The following BFSP2 variants were observed in gnomAD, a reference collection of about 807,000 sequenced individuals.
The protein encoded by BFSP2 is phakinin.
A neutral mutation model predicts 44.9 loss-of-function variants in BFSP2; 38 were observed. That is an observed-to-expected ratio of 0.85 (90% CI 0.65 to 1.11). The LOEUF is 1.11. BFSP2 is among the 50% of genes least tolerant of loss of function. The probability of loss-of-function intolerance (pLI) is 0.00; values close to 1 mark genes in which losing one functional copy is unlikely to be tolerated. For synonymous variants in BFSP2, 197 were observed against 209.9 expected, an observed-to-expected ratio of 0.94 and a Z score of 0.53; for missense variants, 525 against 533.0, an observed-to-expected ratio of 0.99 and a Z score of 0.15.
chr3:133,467,911 C>T (rs1259662164), intron 5 of BFSP2, among the ~76,000 whole-genome samples: 1 of 152,104 alleles, frequency 6.6e-6, no homozygotes, highest in African/African-American at 2.4e-5. Context: ...GGAGGAAAAT[C>T]AAGAGTAATA....
rs113050146 is a variant in BFSP2 at position 133,460,637 on chromosome 3, G to A, written c.892-6191G>A. Among the ~76,000 whole-genome samples the A allele has an allele frequency of 2.3e-3, 348 of 152,306 alleles. 2 individuals carry two copies. The highest frequency in any genetic ancestry group is 8.0e-3 in the African/African-American group (333 of 41,570). On this transcript the variant is annotated intron_variant, in intron 4 of 6. Transcript: ENST00000302334. ...GGCCTTTGTCCCCGGGGGGCTAAAA[G>A]TTATGCCAGACTTCTGTTGGGAGCT...
intron 4 of BFSP2, among the ~76,000 whole-genome samples, chr3:133,458,588 G>C (rs1482938311): frequency 2.0e-5 from 3 of 152,114 alleles, no homozygotes; most frequent in African/African-American, 7.2e-5. Context: ...CCAGCTACTG[G>C]GGAAGCTGAG....
intron 1 of BFSP2, among the ~76,000 whole-genome samples, chr3:133,433,492 A>G (rs2073748754): frequency 6.6e-6 from 1 of 151,982 alleles, no homozygotes; most frequent in South Asian, 2.1e-4. Flanking sequence ...ATTTGCCCCC[A>G]CCCAGGACTG....
intron 1 of BFSP2, among the ~76,000 whole-genome samples, chr3:133,432,913 T>C (rs1386344766): frequency 1.3e-5 from 2 of 152,240 alleles, no homozygotes; most frequent in East Asian, 3.8e-4. Context: ...TGTTTTAGCC[T>C]AGCCCTCATG....
At chr3:133,458,152 G>A (rs1044512157) in intron 4 of BFSP2, among the ~76,000 whole-genome samples, 1 of 152,134 alleles carries the variant, frequency 6.6e-6, no homozygotes, top group Non-Finnish European at 1.5e-5. Flanking sequence ...CCAATACTTT[G>A]TGATCTTTGC....
intron 4 of BFSP2, chr3:133,455,396 G>A (rs1011394255): frequency 2.6e-5 from 4 of 152,186 alleles, no homozygotes; most frequent in African/African-American, 4.8e-5. Context: ...TGCAGATGTA[G>A]GCTTGAGGTC....
chr3:133,406,816 A>C (rs2073408590), intron 1 of BFSP2, among the ~76,000 whole-genome samples: 1 of 152,238 alleles, frequency 6.6e-6, no homozygotes, highest in Non-Finnish European at 1.5e-5. Context: ...AGAGGGAAAA[A>C]TTTGGTCTTT....
At chr3:133,405,351 T>C (rs901659472) in intron 1 of BFSP2, among the ~76,000 whole-genome samples, 3 of 152,226 alleles carry the variant, frequency 2.0e-5, no homozygotes, top group Non-Finnish European at 2.9e-5. Context: ...GAGTTTAAAA[T>C]GGACCTGATT....
chr3:133,453,960 T>C (rs1386633317), intron 4 of BFSP2, among the ~76,000 whole-genome samples: 2 of 152,228 alleles, frequency 1.3e-5, no homozygotes, highest in African/African-American at 4.8e-5. Context: ...GGTCCAGTTT[T>C]TGAAGCTTCT....
intron 4 of BFSP2, among the ~76,000 whole-genome samples, chr3:133,453,766 T>C (rs574369445): frequency 6.6e-6 from 1 of 152,286 alleles, no homozygotes; most frequent in East Asian, 1.9e-4. Flanking sequence ...TGCGAAAGCC[T>C]AAGGGATAAA....
At chr3:133,469,422 AC>A (rs1351097167) in intron 5 of BFSP2, among the ~76,000 whole-genome samples, 1 of 152,242 alleles carries the variant, frequency 6.6e-6, no homozygotes, top group Admixed American at 6.5e-5. Flanking sequence ...CCAATAAGGC[AC>A]TATTTGCATT....
At chr3:133,415,476 T>C in intron 1 of BFSP2, among the ~76,000 whole-genome samples, 1 of 99,494 alleles carries the variant, frequency 1.0e-5, no homozygotes, top group Non-Finnish European at 1.9e-5. Context: ...TCCCCTCTAC[T>C]CACCCCTATA....
At chr3:133,462,991 C>G (rs1031451116) in intron 4 of BFSP2, among the ~76,000 whole-genome samples, 1 of 152,098 alleles carries the variant, frequency 6.6e-6, no homozygotes, top group African/African-American at 2.4e-5. Context: ...AGTTTTAGAA[C>G]AGGAGTGAAA....
intron 1 of BFSP2, among the ~76,000 whole-genome samples, chr3:133,431,720 C>T (rs1013268007): frequency 6.6e-6 from 1 of 152,138 alleles, no homozygotes; most frequent in Admixed American, 6.5e-5. Flanking sequence ...CTCCACATTA[C>T]CTTCTTTTCA....
intron 4 of BFSP2, among the ~76,000 whole-genome samples, chr3:133,452,745 C>T (rs566046494): frequency 3.9e-5 from 6 of 152,318 alleles, no homozygotes; most frequent in African/African-American, 1.2e-4. Flanking sequence ...CGTTTCTCCC[C>T]TGGCTCTGCT....
intron 3 of BFSP2, 137 bp from the exon 4 acceptor site, chr3:133,450,166 C>T (rs948304052): frequency 1.0e-6 from 1 of 978,770 alleles, no homozygotes; most frequent in African/African-American, 1.6e-5. Flanking sequence ...GGGACTTTCC[C>T]AGTCTCTGTG....
chr3:133,409,968 C>A, intron 1 of BFSP2: 1 of 167,200 alleles, frequency 6.0e-6, no homozygotes. Context: ...AACCATAAAG[C>A]CCGGACCGTG....
chr3:133,413,164 C>A (rs916715414), intron 1 of BFSP2, among the ~76,000 whole-genome samples: 3 of 152,030 alleles, frequency 2.0e-5, no homozygotes, highest in African/African-American at 7.3e-5. Flanking sequence ...GGAGGTTTTA[C>A]CTTAAATAAA....
chr3:133,450,547 G>A (rs997600680), intron 4 of BFSP2, 83 bp downstream of exon 4: 26 of 1,513,922 alleles, frequency 1.7e-5, no homozygotes, highest in African/African-American at 2.7e-5. Flanking sequence ...ATGTGCAGAC[G>A]AAGAAATAAC....
Sources: gnomAD v4.1 joint callset for allele counts (sites outside exome capture counted in the v4.1 genomes callset) on GRCh38, gnomAD v4.1.1 for gene constraint, MANE v1.5 for transcripts, NCBI Gene and HGNC (gene_info 2026-07-23, HGNC 2026-07-21) for gene names.